The following MAD1L1 variants were observed in gnomAD, a reference collection of about 807,000 sequenced individuals.
The protein encoded by MAD1L1 is mitotic spindle assembly checkpoint protein MAD1.
Under a neutral mutation model 96.9 loss-of-function variants are expected in MAD1L1, and 95 were observed. The observed-to-expected ratio is 0.98, with a 90% CI of 0.83 to 1.16. The LOEUF is 1.16. Among genes scored for constraint, MAD1L1 ranks in the 50% most tolerant of loss-of-function variants. The pLI, the probability that MAD1L1 is intolerant of heterozygous loss-of-function variation, is 0.00. For missense variants in MAD1L1, 1,007 were observed against 954.4 expected, an observed-to-expected ratio of 1.06 and a Z score of -0.73; for synonymous variants, 473 against 396.6, an observed-to-expected ratio of 1.19 and a Z score of -2.29.
chr7:2,179,947 G>C (rs769309154), intron 10 of MAD1L1, among the ~76,000 whole-genome samples: 3 of 151,458 alleles, frequency 2.0e-5, no homozygotes, highest in African/African-American at 4.9e-5. Flanking sequence ...CTCCAGACTG[G>C]GCAACAAGAG....
At chr7:2,153,858 A>T (rs1316379502) in intron 10 of MAD1L1, among the ~76,000 whole-genome samples, 2 of 152,240 alleles carry the variant, frequency 1.3e-5, no homozygotes, top group African/African-American at 4.8e-5. Context: ...ATCCGGCCGT[A>T]AGAAAGAACA....
chr7:2,013,503 G>A (rs1246019817), intron 13 of MAD1L1, among the ~76,000 whole-genome samples: 3 of 152,222 alleles, frequency 2.0e-5, no homozygotes, highest in African/African-American at 7.2e-5. Flanking sequence ...ACGCCCCCAG[G>A]CCTGGGTTTC....
chr7:2,056,317 G>T (rs970841561), intron 12 of MAD1L1, among the ~76,000 whole-genome samples: 2 of 152,236 alleles, frequency 1.3e-5, no homozygotes, highest in African/African-American at 4.8e-5. Context: ...GACCTAAAGA[G>T]GGGTGTGGAG....
intron 11 of MAD1L1, among the ~76,000 whole-genome samples, chr7:2,087,652 C>T (rs1489616661): frequency 6.6e-6 from 1 of 152,214 alleles, no homozygotes; most frequent in Non-Finnish European, 1.5e-5. Flanking sequence ...CTGACCCAGG[C>T]CTGGCAGGGC....
At chr7:1,916,896 C>T (rs188817369) in intron 17 of MAD1L1, among the ~76,000 whole-genome samples, 46 of 152,186 alleles carry the variant, frequency 3.0e-4, no homozygotes, top group Non-Finnish European at 5.1e-4. Flanking sequence ...GACCAGGGCA[C>T]CCCCATTCAC....
intron 10 of MAD1L1, among the ~76,000 whole-genome samples, chr7:2,209,052 G>A (rs555625954): frequency 6.6e-6 from 1 of 152,162 alleles, no homozygotes; most frequent in East Asian, 1.9e-4. Context: ...CACACGCACT[G>A]TGTCCCTCCT....
At chr7:2,063,075 C>T (rs1326425152) in intron 12 of MAD1L1, among the ~76,000 whole-genome samples, 3 of 152,242 alleles carry the variant, frequency 2.0e-5, no homozygotes, top group Non-Finnish European at 2.9e-5. Flanking sequence ...GTTTAGAGCA[C>T]GGCTCCGTCT....
Position 2,222,868 on chromosome 7 carries a change from G to A in MAD1L1, c.292-114C>T, listed in dbSNP as rs1793685479. 3.5e-6 allele frequency: 3 copies of A among 863,514 alleles called. No individual in the cohort carries two copies. The South Asian group carries it at 5.5e-5, about 16-fold the overall frequency. 53.5% of individuals were successfully genotyped at this position (863,514 alleles called of 1,614,324 possible). A position where few individuals can be genotyped will look rare whatever the true frequency, so the allele number is the denominator to read the frequency against. ...CCGAGGCACAAAAAAGAGCCGAGCA[G>A]GACCCATGAGCCAAGTCATAGGCAG... On this transcript the variant is annotated intron_variant, in intron 4 of 18. Transcript: ENST00000265854.
At chr7:2,125,568 C>G (rs1184609320) in intron 11 of MAD1L1, among the ~76,000 whole-genome samples, 1 of 152,174 alleles carries the variant, frequency 6.6e-6, no homozygotes, top group African/African-American at 2.4e-5. Context: ...GTGGCAAACC[C>G]AATTCTAGCT....
At chr7:1,969,771 G>A (rs1780325167) in intron 15 of MAD1L1, among the ~76,000 whole-genome samples, 1 of 152,162 alleles carries the variant, frequency 6.6e-6, no homozygotes, top group Admixed American at 6.5e-5. Context: ...ATTCATAACA[G>A]CATCAAAAAG....
At chr7:2,087,311 G>A (rs558362099) in intron 11 of MAD1L1, among the ~76,000 whole-genome samples, 4 of 152,208 alleles carry the variant, frequency 2.6e-5, no homozygotes, top group Non-Finnish European at 4.4e-5. Flanking sequence ...AGGGTGAGGC[G>A]GACAGATCAC....
At chr7:1,973,470 G>A (rs1397008752) in intron 15 of MAD1L1, among the ~76,000 whole-genome samples, 2 of 152,150 alleles carry the variant, frequency 1.3e-5, no homozygotes, top group Admixed American at 6.5e-5. Flanking sequence ...CCCCACTCAC[G>A]AGGGCCACGG....
At chr7:1,890,210 T>C (rs890007344) in intron 18 of MAD1L1, among the ~76,000 whole-genome samples, 13 of 152,242 alleles carry the variant, frequency 8.5e-5, no homozygotes, top group African/African-American at 2.4e-4. Flanking sequence ...GTGGGTACTG[T>C]TGGTACGTCC....
Position 2,230,639 on chromosome 7 carries a change from A to C in MAD1L1, c.-101T>G, listed in dbSNP as rs1794145546. 1 of 156,518 alleles carries C rather than the reference A, an allele frequency of 6.4e-6. No individual in the cohort carries two copies. The highest frequency in any genetic ancestry group is 1.9e-4 in the South Asian group (1 of 5,226). The allele number at this position is 156,518 out of a possible 1,614,324, so 9.7% of individuals were successfully genotyped here. A position where few individuals can be genotyped will look rare whatever the true frequency, so the allele number is the denominator to read the frequency against. On this transcript the variant is annotated 5_prime_UTR_variant, in exon 2 of 19. Transcript: ENST00000265854. ...GACACAGTCCAAGTCTGAAGGCCTC[A>C]GAGCCAGGGGTCCGATGGTGTAATT... is the stretch of plus-strand genomic sequence containing the variant.
intron 12 of MAD1L1, among the ~76,000 whole-genome samples, chr7:2,037,143 C>T (rs1054064278): frequency 4.1e-4 from 62 of 152,156 alleles, no homozygotes; most frequent in African/African-American, 1.3e-3. Context: ...CAGATCTCAC[C>T]GGTTCCAGTG....
intron 18 of MAD1L1, chr7:1,847,398 A>G (rs1783692123): frequency 2.1e-6 from 1 of 470,898 alleles, no homozygotes; most frequent in East Asian, 6.9e-5. Context: ...ACTTGGGAAG[A>G]TGTGGGGGGC....
intron 10 of MAD1L1, among the ~76,000 whole-genome samples, chr7:2,207,442 G>A (rs1008882056): frequency 6.6e-6 from 1 of 152,242 alleles, no homozygotes; most frequent in East Asian, 1.9e-4. Context: ...GAGGGGAGAG[G>A]GGCCGAAGGG....
intron 18 of MAD1L1, among the ~76,000 whole-genome samples, chr7:1,892,224 G>A (rs758279647): frequency 3.3e-5 from 5 of 152,194 alleles, no homozygotes; most frequent in African/African-American, 1.2e-4. Flanking sequence ...GGCAGCAGCC[G>A]GCTAAACCAT....
intron 11 of MAD1L1, among the ~76,000 whole-genome samples, chr7:2,086,444 C>T (rs1218565879): frequency 6.6e-6 from 1 of 152,226 alleles, no homozygotes; most frequent in Non-Finnish European, 1.5e-5. Context: ...CCAAGGAGCA[C>T]GACAGAGACA....
Sources: allele counts gnomAD v4.1 joint callset (sites outside exome capture counted in the v4.1 genomes callset), GRCh38; gene constraint gnomAD v4.1.1; transcripts MANE v1.5; gene names NCBI Gene and HGNC (gene_info 2026-07-23, HGNC 2026-07-21).